AHCYL2: variants seen among roughly 807,000 people sequenced by gnomAD.
The protein encoded by AHCYL2 is adenosylhomocysteinase like 2.
Under a neutral mutation model 81.4 loss-of-function variants are expected in AHCYL2, and 28 were observed. The ratio of observed to expected loss-of-function variants is 0.34; its 90% CI spans 0.25 to 0.47. The LOEUF (loss-of-function observed/expected upper bound fraction) is 0.47, where lower values mean the gene tolerates loss of function less well. Ranked by LOEUF, AHCYL2 falls within the 20% of genes least tolerant of loss-of-function variation. The probability of loss-of-function intolerance (pLI) is 1.00; values close to 1 mark genes in which losing one functional copy is unlikely to be tolerated. For synonymous variants in AHCYL2, 272 were observed against 290.2 expected (o/e 0.94, Z 0.64); for missense variants, 551 against 785.1 (o/e 0.70, Z 3.56).
At chr7:129,373,815 T>C (rs936873565) in intron 1 of AHCYL2, among the ~76,000 whole-genome samples, 3 of 152,134 alleles carry the variant, frequency 2.0e-5, no homozygotes. Context: ...TGAACATTCT[T>C]GTTAGGAGGA....
At chr7:129,316,033 TAACA>T (rs1797816295) in intron 1 of AHCYL2, among the ~76,000 whole-genome samples, 1 of 152,196 alleles carries the variant, frequency 6.6e-6, no homozygotes, top group South Asian at 2.1e-4. Flanking sequence ...AAATGGCAGA[TAACA>T]AACTTGGTTT....
At chr7:129,404,981 G>A in intron 7 of AHCYL2, 116 bp from the exon 8 acceptor site, 1 of 564,066 alleles carries the variant, frequency 1.8e-6, no homozygotes, top group South Asian at 3.1e-5. Context: ...GATGAAACTA[G>A]TCATGTCTCA....
chr7:129,330,136 T>G (rs1187364674), intron 1 of AHCYL2, among the ~76,000 whole-genome samples: 1 of 152,210 alleles, frequency 6.6e-6, no homozygotes. Flanking sequence ...CCTGAGTAGC[T>G]GGGACTACAG....
At chr7:129,367,691 A>G (rs1369806526) in intron 1 of AHCYL2, among the ~76,000 whole-genome samples, 1 of 152,214 alleles carries the variant, frequency 6.6e-6, no homozygotes, top group Admixed American at 6.5e-5. Flanking sequence ...CAGTGAAGTC[A>G]CTTTGCAATC....
chr7:129,393,784 C>T (rs1473334593), intron 4 of AHCYL2, among the ~76,000 whole-genome samples: 1 of 152,158 alleles, frequency 6.6e-6, no homozygotes, highest in East Asian at 1.9e-4. Context: ...TGCCTAGCTC[C>T]TTTTAGTGGA....
Position 129,409,336 on chromosome 7 carries a change from A to G in AHCYL2, c.1296-140A>G, listed in dbSNP as rs1796455448. 11 of 586,640 alleles carry G rather than the reference A, an allele frequency of 1.9e-5. No homozygotes were observed. In the South Asian group the frequency reaches 3.2e-4, roughly 17 times the overall value. 36.3% of individuals were successfully genotyped at this position (586,640 alleles called of 1,614,324 possible). On this transcript the variant is annotated intron_variant, in intron 10 of 16. Transcript: ENST00000325006. The stretch of plus-strand genomic sequence containing the variant: ...TTTCTGTCTTGTATGAACTAAGGAA[A>G]TTGTTTGGATTTTTCACTTCTAAGA...
At chr7:129,249,161 C>T (rs1795162908) in intron 1 of AHCYL2, among the ~76,000 whole-genome samples, 1 of 151,838 alleles carries the variant, frequency 6.6e-6, no homozygotes, top group African/African-American at 2.4e-5. Flanking sequence ...CTGTGCCTGG[C>T]TAATATTCAT....
chr7:129,251,130 C>T (rs1239867763), intron 1 of AHCYL2, among the ~76,000 whole-genome samples: 1 of 152,136 alleles, frequency 6.6e-6, no homozygotes, highest in Non-Finnish European at 1.5e-5. Context: ...GTTGTTTCAT[C>T]TATTCCCATA....
chr7:129,367,655 A>G (rs1794173460), intron 1 of AHCYL2, among the ~76,000 whole-genome samples: 1 of 152,198 alleles, frequency 6.6e-6, no homozygotes, highest in Non-Finnish European at 1.5e-5. Context: ...CTCTAAACCT[A>G]CACTGTGGTG....
At chr7:129,262,553 G>A (rs1795680820) in intron 1 of AHCYL2, among the ~76,000 whole-genome samples, 1 of 152,230 alleles carries the variant, frequency 6.6e-6, no homozygotes, top group Non-Finnish European at 1.5e-5. Context: ...AAGGAATGCT[G>A]GTTGGTGGTT....
In AHCYL2 at chr7:129,421,943, G is replaced by A. The variant is rs534489405; in HGVS notation, c.1462-897G>A. ...AAATCATTATTGTATAACTAAAAGC[G>A]TTTCTTTTTATTTGTCTAAAAACTA... On this transcript the variant is annotated intron_variant, in intron 12 of 16. Coordinates refer to ENST00000325006, the MANE Select transcript of AHCYL2 (RefSeq NM_015328.4). 7.7e-4 allele frequency among the ~76,000 whole-genome samples: 117 copies of A among 152,162 alleles called. 1 individual carries two copies. Among genetic ancestry groups the A allele is most frequent in the Admixed American group, 1.4e-3 (22 of 15,292 alleles).
At chr7:129,295,594 A>G (rs1797025372) in intron 1 of AHCYL2, among the ~76,000 whole-genome samples, 1 of 152,242 alleles carries the variant, frequency 6.6e-6, no homozygotes, top group South Asian at 2.1e-4. Context: ...TTTATAATAT[A>G]GAAAAATAAA....
chr7:129,300,859 G>C (rs1797234839), intron 1 of AHCYL2, among the ~76,000 whole-genome samples: 1 of 152,072 alleles, frequency 6.6e-6, no homozygotes, highest in African/African-American at 2.4e-5. Flanking sequence ...TTTTGAGATG[G>C]AGTCTCACTC....
intron 1 of AHCYL2, among the ~76,000 whole-genome samples, chr7:129,345,373 A>G (rs1380384747): frequency 1.3e-5 from 2 of 152,218 alleles, no homozygotes; most frequent in South Asian, 2.1e-4. Flanking sequence ...TGTGCCTACT[A>G]AAGAAACTTT....
chr7:129,340,305 C>G (rs1255198111), intron 1 of AHCYL2, among the ~76,000 whole-genome samples: 1 of 149,884 alleles, frequency 6.7e-6, no homozygotes, highest in Non-Finnish European at 1.5e-5. Flanking sequence ...CGGTGGCTCA[C>G]GCCTGTAATC....
At chr7:129,340,207 C>A (rs1393631695) in intron 1 of AHCYL2, among the ~76,000 whole-genome samples, 2 of 148,128 alleles carry the variant, frequency 1.4e-5, no homozygotes, top group African/African-American at 4.9e-5. Context: ...CAGGCATGAG[C>A]CACCGCGCCT....
intron 12 of AHCYL2, among the ~76,000 whole-genome samples, chr7:129,415,495 C>A (rs1796798149): frequency 6.6e-6 from 1 of 152,188 alleles, no homozygotes; most frequent in Non-Finnish European, 1.5e-5. Context: ...AAGAAGTTAA[C>A]TACCTTGTCA....
At chr7:129,234,435 G>A (rs1007221145) in intron 1 of AHCYL2, among the ~76,000 whole-genome samples, 1 of 152,064 alleles carries the variant, frequency 6.6e-6, no homozygotes, top group African/African-American at 2.4e-5. Flanking sequence ...AGTAGAGACG[G>A]GGTTTCACCA....
At position 129,295,513 on chromosome 7, in the gene AHCYL2, T is replaced by C. The variant is rs1266581121; in HGVS notation, c.363+70074T>C. ...CAGTAGGAGACCATTGTATAGACTG[T>C]AGAACTGAGACCCCATCTAGTCATT... On this transcript the variant is annotated intron_variant, in intron 1 of 16. Coordinates refer to ENST00000325006, the MANE Select transcript of AHCYL2 (RefSeq NM_015328.4). 2.6e-5 allele frequency among the ~76,000 whole-genome samples: 4 copies of C among 152,184 alleles called. No homozygotes were observed. The East Asian group carries it at 7.7e-4, about 29-fold the overall frequency.
Sources: allele counts gnomAD v4.1 joint callset (sites outside exome capture counted in the v4.1 genomes callset), GRCh38; gene constraint gnomAD v4.1.1; transcripts MANE v1.5; gene names NCBI Gene and HGNC (gene_info 2026-07-23, HGNC 2026-07-21).